The following HEXD variants were observed in gnomAD, a reference collection of about 807,000 sequenced individuals.
HEXD encodes N-acetyl-beta-galactosaminidase.
Under a neutral mutation model 54.2 loss-of-function variants are expected in HEXD, and 47 were observed. That is an observed-to-expected ratio of 0.87 (90% confidence interval 0.69 to 1.11). The LOEUF (loss-of-function observed/expected upper bound fraction) is 1.11. Ranked by LOEUF, HEXD falls within the 50% of genes least tolerant of loss-of-function variation. HEXD has a pLI of 0.00. For synonymous variants in HEXD, 293 were observed against 287.6 expected, an observed-to-expected ratio of 1.02 and a Z score of -0.19; for missense variants, 576 against 649.2, an observed-to-expected ratio of 0.89 and a Z score of 1.23.
At chr17:82,423,481 C>T (rs4789686) in intron 2 of HEXD, 30,309 of 152,078 alleles carry the variant, frequency 0.2, 3,865 homozygotes, top group East Asian at 0.53. Context: ...CATGCCAGCA[C>T]GCTCCAGCCT....
At chr17:82,437,492 G>A (rs1056613147) in intron 8 of HEXD, 129 bp downstream of exon 8, 4 of 817,260 alleles carry the variant, frequency 4.9e-6, no homozygotes, top group Non-Finnish European at 5.4e-6. Context: ...CCTCCAAGAG[G>A]AGCTGCAGAA....
chr17:82,441,520 TGA>T (rs2053967474), intron 11 of HEXD, among the ~76,000 whole-genome samples: 1 of 116,132 alleles, frequency 8.6e-6, no homozygotes, highest in Non-Finnish European at 1.7e-5. Context: ...CAGGTGCGGC[TGA>T]GGGGCAGGTG....
intron 2 of HEXD, 81 bp from the exon 3 acceptor site, chr17:82,424,313 G>GA: frequency 1.2e-6 from 1 of 861,690 alleles, no homozygotes. Context: ...GGCTGAAAGG[G>GA]AAGGCGTCTC....
At chr17:82,433,404 C>T (rs2053668115) in intron 4 of HEXD, among the ~76,000 whole-genome samples, 1 of 152,020 alleles carries the variant, frequency 6.6e-6, no homozygotes, top group Non-Finnish European at 1.5e-5. Flanking sequence ...GACTGTGCCA[C>T]TGCACTCCAG....
At position 82,424,399 on chromosome 17, in the gene HEXD, T is replaced by C. The variant is rs2053333665; in HGVS notation, c.90T>C (p.Phe30=). The C allele has an allele frequency of 6.2e-7, 1 of 1,612,996 alleles. No individual in the cohort carries two copies. The highest frequency in any genetic ancestry group is 1.3e-5 in the African/African-American group (1 of 75,018). Residue 30 remains phenylalanine, a synonymous_variant, in exon 3 of 13, where the codon TTT becomes TTC. Transcript: ENST00000327949. Reference sequence around the variant, plus strand: ...CCTCCCTGTTTACCCCCCAGATTTTTCCTCTGTTCCGTGCGCTAGGTGCAA... The same window carrying C: ...CCTCCCTGTTTACCCCCCAGATTTTCCCTCTGTTCCGTGCGCTAGGTGCAA... ...PPKVSYLSEI[F]PLFRALGANG...
At chr17:82,432,873 C>T (rs12948526) in intron 4 of HEXD, among the ~76,000 whole-genome samples, 9,377 of 146,870 alleles carry the variant, frequency 0.064, 520 homozygotes, top group East Asian at 0.32. Context: ...ACCATCCTGG[C>T]TAACACGGTG....
At position 82,441,831 on chromosome 17, in the gene HEXD, C is replaced by A; in HGVS notation, c.1195C>A (p.Arg399Ser). Reference sequence around the variant, plus strand: ...CACTGGCTGGTTCAGCCCCTACCACCGCCAGCGGAAGCTCATCCACCCGGT... The same window carrying A: ...CACTGGCTGGTTCAGCCCCTACCACAGCCAGCGGAAGCTCATCCACCCGGT... ...YVTGWFSPYH[R>S]QRKLIHPVMV... is the part of the protein sequence containing the mutation. The change falls in exon 12 of 13, where the codon CGC becomes AGC. Residue 399 changes from arginine (R) to serine (S), a missense_variant. By Grantham distance (110) the Arg-to-Ser change is moderately radical (BLOSUM62 -1). Transcript: ENST00000327949. 1 of 1,613,102 alleles carries A rather than the reference C, an allele frequency of 6.2e-7. No homozygotes were observed. Among genetic ancestry groups the A allele is most frequent in the Non-Finnish European group, 8.5e-7 (1 of 1,179,986 alleles).
At position 82,437,167 on chromosome 17, in the gene HEXD, G is replaced by C. The variant is rs1426326087; in HGVS notation, c.704-1G>C. 3 of 1,580,150 alleles carry C rather than the reference G, an allele frequency of 1.9e-6. No homozygotes were observed. The highest frequency in any genetic ancestry group is 2.6e-6 in the Non-Finnish European group (3 of 1,158,384). The stretch of plus-strand genomic sequence containing the variant: ...ACTCACCTGTTTGCTTTCTCACCCA[G>C]TCCTCCTCATGCAGAAGTACCGGCG... On this transcript the variant is annotated splice_acceptor_variant, in intron 7 of 12. Transcript: ENST00000327949. LOFTEE classifies it high-confidence loss of function.
intron 8 of HEXD, among the ~76,000 whole-genome samples, chr17:82,438,590 C>T (rs1417789795): frequency 6.6e-6 from 1 of 152,250 alleles, no homozygotes; most frequent in East Asian, 1.9e-4. Flanking sequence ...CAAGTCCTGA[C>T]CTTGGGTCTC....
chr17:82,438,801 G>A (rs9910376), intron 8 of HEXD, among the ~76,000 whole-genome samples: 2,140 of 152,360 alleles, frequency 0.014, 46 homozygotes, highest in African/African-American at 0.047. Context: ...ATGCATGTCC[G>A]GAGCTGGCAG....
chr17:82,436,085 G>C (rs1035647509), intron 6 of HEXD, among the ~76,000 whole-genome samples: 5 of 152,244 alleles, frequency 3.3e-5, no homozygotes, highest in African/African-American at 1.2e-4. Flanking sequence ...AGGCCTGCCT[G>C]GTGGCCCAGA....
In HEXD at chr17:82,442,073, G is replaced by A. The variant is rs2054000026; in HGVS notation, c.1254-104G>A. 3.1e-5 allele frequency: 44 copies of A among 1,425,656 alleles called. No homozygotes were observed. The highest frequency in any genetic ancestry group is 4.0e-5 in the Non-Finnish European group (42 of 1,042,164). 88.3% of individuals were successfully genotyped at this position (1,425,656 alleles called of 1,614,324 possible). A position where few individuals can be genotyped will look rare whatever the true frequency, so the allele number is the denominator to read the frequency against. On this transcript the variant is annotated intron_variant, in intron 12 of 12. Transcript: ENST00000327949. This position sits in a 1 kb window ranked among gnomAD's most constrained non-coding sequence, Gnocchi z 6.8. Reference sequence around the variant, plus strand: ...ACATGCCGATGAGGTAGGGTCAGTAGCCCCATTTCACAGGTGAACTGAGGC... The same window carrying A: ...ACATGCCGATGAGGTAGGGTCAGTAACCCCATTTCACAGGTGAACTGAGGC...
At position 82,422,005 on chromosome 17, in the gene HEXD, A is replaced by G. The variant is rs1340346233; in HGVS notation, c.84+2122A>G. ...TCCTGGCCAACACAGTGTCTCTACT[A>G]AAAATACCAAAAATTAGCCCCGTGT... On this transcript the variant is annotated intron_variant, in intron 2 of 12. Transcript: ENST00000327949. 7.2e-5 allele frequency among the ~76,000 whole-genome samples: 11 copies of G among 152,020 alleles called. No homozygotes were observed. In the East Asian group the frequency reaches 2.1e-3, roughly 29 times the overall value.
chr17:82,441,240 TGTGGATGCGCTGCTGGAGGGCAACAG>T lies in HEXD; in HGVS notation c.1141_1163+3del, dbSNP rs764346968. ...AAGTCAGCCTCCATCTGCGCAGCTC[TGTGGATGCGCTGCTGGAGGGCAACAG>T]GTGAGCGTGTGGGTTAGGGGCAGGT... On this transcript the variant is annotated frameshift_variant and splice_region_variant, in exon 11 of 13. Transcript: ENST00000327949. LOFTEE classifies it high-confidence loss of function. 1.2e-6 allele frequency: 2 copies of T among 1,609,490 alleles called. No homozygotes were observed. Among genetic ancestry groups the T allele is most frequent in the East Asian group, 4.5e-5 (2 of 44,572 alleles).
rs1369181464 is a variant in HEXD at position 82,433,801 on chromosome 17, G to T, written c.426G>T (p.Arg142=). Residue 142 remains arginine, a synonymous_variant, in exon 5 of 13, where the codon CGG becomes CGT. Transcript: ENST00000327949. ...TGGAGCTACACCCAGGCGCCCAGCG[G>T]CTGCACATCGGGTGTGATGAGGTGG... The part of the protein sequence containing the change: ...QVLELHPGAQ[R]LHIGCDEVYY... 1 of 1,612,806 alleles carries T rather than the reference G, an allele frequency of 6.2e-7. No homozygotes were observed.
intron 3 of HEXD, chr17:82,427,227 C>T (rs1220891422): frequency 2.0e-5 from 3 of 151,944 alleles, no homozygotes; most frequent in African/African-American, 7.3e-5. Flanking sequence ...TGCATGAACT[C>T]AGGAGGCAGA....
Position 82,418,406 on chromosome 17 carries a change from CG to C in HEXD, c.-385del. On this transcript the variant is annotated 5_prime_UTR_variant, in exon 1 of 13. It introduces an in-frame stop codon into an upstream open reading frame of the 5' UTR. Coordinates refer to ENST00000327949, the MANE Select transcript of HEXD (RefSeq NM_001330542.2). ...CAGCGCGCGCCCTTCCCCTCCTCAC[CG>C]CTACCTGCTCCGGTTCCGGCGCTCG... 1 of 1,477,996 alleles carries C rather than the reference CG, an allele frequency of 6.8e-7. No homozygotes were observed. Among genetic ancestry groups the C allele is most frequent in the Admixed American group, 2.2e-5 (1 of 44,604 alleles). 91.6% of individuals were successfully genotyped at this position (1,477,996 alleles called of 1,614,324 possible). A position where few individuals can be genotyped will look rare whatever the true frequency, so the allele number is the denominator to read the frequency against.
At chr17:82,421,310 G>A (rs912330950) in intron 2 of HEXD, among the ~76,000 whole-genome samples, 6 of 152,054 alleles carry the variant, frequency 3.9e-5, no homozygotes, top group East Asian at 1.9e-4. Flanking sequence ...GAGGAACAGC[G>A]CCCCCCACTA....
intron 2 of HEXD, among the ~76,000 whole-genome samples, chr17:82,421,429 C>T (rs557087520): frequency 1.3e-5 from 2 of 152,308 alleles, no homozygotes; most frequent in African/African-American, 4.8e-5. Flanking sequence ...ACTGCAGAAG[C>T]AGCTACACAG....
Sources: allele counts gnomAD v4.1 joint callset (sites outside exome capture counted in the v4.1 genomes callset), GRCh38; gene constraint gnomAD v4.1.1; non-coding constraint Gnocchi (gnomAD v3.1); transcripts MANE v1.5; gene names NCBI Gene and HGNC (gene_info 2026-07-23, HGNC 2026-07-21).